RFX7: variants seen among roughly 807,000 people sequenced by gnomAD.
RFX7 encodes regulatory factor X7.
RFX7 carries 26 observed loss-of-function variants against 111.8 expected under a neutral mutation model. The ratio of observed to expected loss-of-function variants is 0.23; its 90% CI spans 0.17 to 0.32. The LOEUF is 0.32. Ranked by LOEUF, RFX7 falls within the 10% of genes least tolerant of loss-of-function variation. The probability of loss-of-function intolerance (pLI) is 1.00; values close to 1 mark genes in which losing one functional copy is unlikely to be tolerated. For missense variants in RFX7, 1,573 were observed against 1,772.9 expected (o/e 0.89, Z 2.02); for synonymous variants, 624 against 624.4 (o/e 1.00, Z 0.01).
intron 2 of RFX7, among the ~76,000 whole-genome samples, chr15:56,230,241 C>T (rs1017590639): frequency 1.6e-4 from 25 of 152,274 alleles, no homozygotes; most frequent in African/African-American, 5.1e-4. Context: ...TACTCAGTCA[C>T]GAAAGGTTGC....
chr15:56,232,949 G>A (rs1486921756), intron 2 of RFX7, among the ~76,000 whole-genome samples: 1 of 152,160 alleles, frequency 6.6e-6, no homozygotes, highest in Non-Finnish European at 1.5e-5. Flanking sequence ...TTCTCACAAA[G>A]TTCCAAACTT....
At chr15:56,200,987 T>C (rs1173473401) in intron 2 of RFX7, among the ~76,000 whole-genome samples, 1 of 151,662 alleles carries the variant, frequency 6.6e-6, no homozygotes, top group Admixed American at 6.6e-5. Context: ...GGTGCTTAAA[T>C]GATTATAAAA....
At chr15:56,167,023 C>G (rs1266821997) in intron 3 of RFX7, among the ~76,000 whole-genome samples, 2 of 152,170 alleles carry the variant, frequency 1.3e-5, no homozygotes, top group South Asian at 2.1e-4. Context: ...GCAGACTAGG[C>G]CTTTTGTACA....
At chr15:56,146,752 T>C (rs959832634) in intron 3 of RFX7, among the ~76,000 whole-genome samples, 6 of 152,130 alleles carry the variant, frequency 3.9e-5, no homozygotes, top group Admixed American at 3.9e-4. Flanking sequence ...AATGAAAACT[T>C]GTAACTGTTC....
intron 2 of RFX7, among the ~76,000 whole-genome samples, chr15:56,208,605 T>C (rs1164876479): frequency 6.6e-6 from 1 of 152,132 alleles, no homozygotes; most frequent in Non-Finnish European, 1.5e-5. Context: ...GTTGCAATTA[T>C]CAGACCAGGA....
chr15:56,193,696 T>A (rs2043120767), intron 2 of RFX7, among the ~76,000 whole-genome samples: 1 of 152,150 alleles, frequency 6.6e-6, no homozygotes, highest in Non-Finnish European at 1.5e-5. Flanking sequence ...ATTACCAGAA[T>A]GTTATTGATA....
chr15:56,121,341 G>A (rs2042076314), intron 5 of RFX7, among the ~76,000 whole-genome samples: 1 of 152,160 alleles, frequency 6.6e-6, no homozygotes, highest in Admixed American at 6.5e-5. Flanking sequence ...CCACTGAAAA[G>A]TCTGCTGCCA....
intron 5 of RFX7, among the ~76,000 whole-genome samples, chr15:56,109,957 G>A (rs2041891341): frequency 6.7e-6 from 1 of 148,442 alleles, no homozygotes; most frequent in African/African-American, 2.5e-5. Flanking sequence ...CCATCCGGGA[G>A]GGAGGTGGGG....
At chr15:56,132,046 G>C (rs182880119) in intron 5 of RFX7, among the ~76,000 whole-genome samples, 16 of 151,798 alleles carry the variant, frequency 1.1e-4, no homozygotes, top group Admixed American at 9.8e-4. Context: ...TGTTAAAGGA[G>C]AAAATAAGTG....
Position 56,142,763 on chromosome 15 carries a change from A to G in RFX7, c.401+15T>C, listed in dbSNP as rs776700613. ...CTTTAATATATCAGCATGCCATATT[A>G]CACATACTACTTACTTGTACTCATC... On this transcript the variant is annotated intron_variant, in intron 5 of 9. Transcript: ENST00000559447. The G allele has an allele frequency of 8.1e-6, 13 of 1,610,334 alleles. No individual in the cohort carries two copies. Among genetic ancestry groups the G allele is most frequent in the Non-Finnish European group, 1.1e-5 (13 of 1,177,762 alleles).
chr15:56,195,725 A>G (rs909409744), intron 2 of RFX7, among the ~76,000 whole-genome samples: 3 of 152,202 alleles, frequency 2.0e-5, no homozygotes, highest in Admixed American at 1.3e-4. Context: ...ACTAAATGCC[A>G]GCAGTGCTTC....
chr15:56,175,936 G>A (rs2042898063), intron 3 of RFX7, among the ~76,000 whole-genome samples: 1 of 152,170 alleles, frequency 6.6e-6, no homozygotes, highest in Non-Finnish European at 1.5e-5. Flanking sequence ...GAAGTGTTTA[G>A]TCATTAGTGA....
At chr15:56,106,631 G>A (rs1269838372) in intron 5 of RFX7, among the ~76,000 whole-genome samples, 1 of 152,130 alleles carries the variant, frequency 6.6e-6, no homozygotes, top group Non-Finnish European at 1.5e-5. Flanking sequence ...TGATGGGGAG[G>A]ACTCTTTATT....
intron 5 of RFX7, among the ~76,000 whole-genome samples, chr15:56,114,895 C>T (rs2041989802): frequency 6.6e-6 from 1 of 152,030 alleles, no homozygotes; most frequent in African/African-American, 2.4e-5. Flanking sequence ...TCTGATAAAT[C>T]CTCAAGATTT....
At chr15:56,134,614 CTTTCTT>C (rs1567021267) in intron 5 of RFX7, among the ~76,000 whole-genome samples, 48 of 26,712 alleles carry the variant, frequency 1.8e-3, no homozygotes, top group Non-Finnish European at 2.7e-3. Context: ...TTTTTTTTTA[CTTTCTT>C]TTTTTTTTTT....
intron 2 of RFX7, among the ~76,000 whole-genome samples, chr15:56,206,475 C>T (rs2043253196): frequency 1.3e-5 from 2 of 152,016 alleles, no homozygotes; most frequent in South Asian, 4.2e-4. Flanking sequence ...ATAGAGATTC[C>T]ATATTATCCA....
chr15:56,099,450 C>G (rs528605687), intron 8 of RFX7, among the ~76,000 whole-genome samples: 62 of 152,166 alleles, frequency 4.1e-4, no homozygotes, highest in African/African-American at 1.4e-3. Context: ...TGCCCCTTTC[C>G]GACCCCAAGC....
intron 2 of RFX7, among the ~76,000 whole-genome samples, chr15:56,241,550 T>C (rs1398588926): frequency 2.0e-5 from 3 of 152,154 alleles, no homozygotes; most frequent in Non-Finnish European, 2.9e-5. Context: ...TAATGATGAT[T>C]TCAGAAACAC....
chr15:56,238,519 T>G (rs561864614), intron 2 of RFX7, among the ~76,000 whole-genome samples: 12 of 152,180 alleles, frequency 7.9e-5, no homozygotes, highest in Non-Finnish European at 1.5e-4. Flanking sequence ...AAGGAATCAG[T>G]AGAATCTTAT....
Sources: gnomAD v4.1 joint callset for allele counts (sites outside exome capture counted in the v4.1 genomes callset) on GRCh38, gnomAD v4.1.1 for gene constraint, MANE v1.5 for transcripts, NCBI Gene and HGNC (gene_info 2026-07-23, HGNC 2026-07-21) for gene names.